The following ATG5 variants were observed in gnomAD, a reference collection of about 807,000 sequenced individuals.
The protein encoded by ATG5 is autophagy protein 5.
Under a neutral mutation model 36.5 loss-of-function variants are expected in ATG5, and 14 were observed. That is an observed-to-expected ratio of 0.38 (90% CI 0.25 to 0.60). The LOEUF (loss-of-function observed/expected upper bound fraction) is 0.60, where lower values mean the gene tolerates loss of function less well. ATG5 is among the 20% of genes least tolerant of loss of function. ATG5 has a pLI of 0.60. For synonymous variants in ATG5, 95 were observed against 101.5 expected, an observed-to-expected ratio of 0.94 and a Z score of 0.38; for missense variants, 195 against 326.7, an observed-to-expected ratio of 0.60 and a Z score of 3.11.
rs536093192 is a variant in ATG5, at chr6:106,235,478, G to A, written c.573+12672C>T. On this transcript the variant is annotated intron_variant, in intron 6 of 7. Coordinates refer to ENST00000369076, the MANE Select transcript of ATG5 (RefSeq NM_004849.4). ...AGCACTTGGGTTTTCCTGTTGAGTG[G>A]GGGGACTGAGAGACAGGATTAGCTG... Among the ~76,000 whole-genome samples, 3 of 150,818 alleles carry A rather than the reference G, an allele frequency of 2.0e-5. No individual in the cohort carries two copies. In the East Asian group the frequency reaches 5.8e-4, roughly 29 times the overall value.
intron 4 of ATG5, among the ~76,000 whole-genome samples, chr6:106,286,071 T>C (rs1228219473): frequency 6.6e-6 from 1 of 151,334 alleles, no homozygotes; most frequent in African/African-American, 2.5e-5. Context: ...CAACATCCAC[T>C]ATCTACTAGA....
intron 5 of ATG5, among the ~76,000 whole-genome samples, chr6:106,252,679 C>A (rs567617493): frequency 1.3e-5 from 2 of 152,166 alleles, no homozygotes; most frequent in Non-Finnish European, 2.9e-5. Context: ...AAATCCCCCA[C>A]GGGAGACATG....
rs73775401 is a variant in ATG5, at chr6:106,247,594, G to A, written c.573+556C>T. On this transcript the variant is annotated intron_variant, in intron 6 of 7. Transcript: ENST00000369076. ...CAAGGTTATGTTTCCGTGAGCCCTC[G>A]GTCACAACATGTTCATTAACTGATC... is the stretch of plus-strand genomic sequence containing the variant. Among the ~76,000 whole-genome samples the A allele has an allele frequency of 9.9e-3, 1,510 of 152,178 alleles. 31 individuals carry two copies. Among genetic ancestry groups the A allele is most frequent in the African/African-American group, 0.034 (1,417 of 41,508 alleles).
At chr6:106,249,047 T>G (rs1778460955) in intron 5 of ATG5, among the ~76,000 whole-genome samples, 1 of 152,346 alleles carries the variant, frequency 6.6e-6, no homozygotes, top group South Asian at 2.1e-4. Context: ...ACTTATGAAG[T>G]GCCAACTGCA....
intron 1 of ATG5, among the ~76,000 whole-genome samples, chr6:106,319,091 TTC>T (rs1485042492): frequency 6.6e-6 from 1 of 152,214 alleles, no homozygotes; most frequent in Non-Finnish European, 1.5e-5. Context: ...ACTTCTCTAT[TTC>T]TGTTTTCTCA....
chr6:106,190,644 C>T (rs573111481), intron 7 of ATG5, among the ~76,000 whole-genome samples: 7 of 151,638 alleles, frequency 4.6e-5, no homozygotes, highest in African/African-American at 1.5e-4. Flanking sequence ...AAACCAGCAT[C>T]TACTTAAAAG....
chr6:106,266,818 C>T (rs1163346404), intron 5 of ATG5, among the ~76,000 whole-genome samples: 2 of 152,184 alleles, frequency 1.3e-5, no homozygotes, highest in Admixed American at 1.3e-4. Context: ...ATGCTAAAAA[C>T]TCTCAATAAG....
chr6:106,233,810 C>T (rs1313025411), intron 6 of ATG5, among the ~76,000 whole-genome samples: 1 of 152,082 alleles, frequency 6.6e-6, no homozygotes, highest in African/African-American at 2.4e-5. Flanking sequence ...TGTTCTCTTA[C>T]CCCCTTTCAC....
intron 5 of ATG5, among the ~76,000 whole-genome samples, chr6:106,267,075 A>T (rs1779254118): frequency 6.6e-6 from 1 of 152,202 alleles, no homozygotes; most frequent in African/African-American, 2.4e-5. Context: ...AGATGACATG[A>T]TTGTATACTT....
At chr6:106,202,746 C>G (rs943985913) in intron 6 of ATG5, among the ~76,000 whole-genome samples, 1 of 152,210 alleles carries the variant, frequency 6.6e-6, no homozygotes, top group African/African-American at 2.4e-5. Flanking sequence ...ACTGCAACCT[C>G]TACTTTCCAG....
chr6:106,201,463 A>G (rs2114354762), intron 7 of ATG5, among the ~76,000 whole-genome samples: 2 of 152,332 alleles, frequency 1.3e-5, no homozygotes, highest in Admixed American at 1.3e-4. Flanking sequence ...CTAAGTTACA[A>G]AATTAGCGCC....
At chr6:106,302,952 C>A (rs1770278814) in intron 3 of ATG5, among the ~76,000 whole-genome samples, 1 of 151,952 alleles carries the variant, frequency 6.6e-6, no homozygotes, top group Non-Finnish European at 1.5e-5. Context: ...GTAATTAACA[C>A]TACCATGGTT....
chr6:106,316,490 C>T (rs376583384), intron 1 of ATG5, among the ~76,000 whole-genome samples: 1 of 152,090 alleles, frequency 6.6e-6, no homozygotes, highest in South Asian at 2.1e-4. Flanking sequence ...ATTACATATG[C>T]CAGTAATATT....
intron 5 of ATG5, among the ~76,000 whole-genome samples, chr6:106,258,900 C>G (rs528541683): frequency 6.6e-6 from 1 of 152,312 alleles, no homozygotes; most frequent in South Asian, 2.1e-4. Context: ...CAGAACAGCA[C>G]AGCTAGCAGT....
At chr6:106,209,478 C>T (rs1311348979) in intron 6 of ATG5, among the ~76,000 whole-genome samples, 1 of 152,058 alleles carries the variant, frequency 6.6e-6, no homozygotes, top group Non-Finnish European at 1.5e-5. Context: ...AGTGAAATGA[C>T]AAAAATTTTA....
chr6:106,321,363 T>C (rs9486320), intron 1 of ATG5, among the ~76,000 whole-genome samples: 25,739 of 138,588 alleles, frequency 0.19, 2,573 homozygotes, highest in African/African-American at 0.32. Flanking sequence ...GGGTCAACTC[T>C]TTTTTTTTTT....
chr6:106,213,722 G>C (rs560031734), intron 6 of ATG5, among the ~76,000 whole-genome samples: 3 of 152,160 alleles, frequency 2.0e-5, no homozygotes, highest in Non-Finnish European at 4.4e-5. Context: ...TCCCAACAAC[G>C]TACTGTGTAT....
At chr6:106,306,588 C>T (rs772796615) in intron 3 of ATG5, among the ~76,000 whole-genome samples, 2 of 152,108 alleles carry the variant, frequency 1.3e-5, no homozygotes, top group Non-Finnish European at 2.9e-5. Flanking sequence ...CAGTAGTGAC[C>T]CTATTGAGAA....
chr6:106,189,288 C>T (rs1035307335), intron 7 of ATG5, among the ~76,000 whole-genome samples: 1 of 152,008 alleles, frequency 6.6e-6, no homozygotes, highest in African/African-American at 2.4e-5. Flanking sequence ...GTATGAAGGA[C>T]ATTTTAGCAA....
Sources: gnomAD v4.1 joint callset for allele counts (sites outside exome capture counted in the v4.1 genomes callset) on GRCh38, gnomAD v4.1.1 for gene constraint, MANE v1.5 for transcripts, NCBI Gene and HGNC (gene_info 2026-07-23, HGNC 2026-07-21) for gene names.